Variants in ZNF346 observed in about 807,000 individuals in gnomAD.
The protein encoded by ZNF346 is zinc finger protein 346.
Under a neutral mutation model 33.7 loss-of-function variants are expected in ZNF346, and 23 were observed. The ratio of observed to expected loss-of-function variants is 0.68; its 90% CI spans 0.49 to 0.97. ZNF346 has a LOEUF of 0.97. ZNF346 is among the 50% of genes least tolerant of loss of function. ZNF346 has a pLI of 0.00. For missense variants in ZNF346, 340 were observed against 371.1 expected, an observed-to-expected ratio of 0.92 and a Z score of 0.69; for synonymous variants, 134 against 142.4, an observed-to-expected ratio of 0.94 and a Z score of 0.42.
At chr5:177,048,072 A>C (rs1482171471) in intron 4 of ZNF346, among the ~76,000 whole-genome samples, 3 of 152,068 alleles carry the variant, frequency 2.0e-5, no homozygotes, top group Non-Finnish European at 4.4e-5. Flanking sequence ...TGAACATTTA[A>C]TCTCCCCACC....
At chr5:177,061,624 CAGAT>C (rs995159288) in intron 5 of ZNF346, among the ~76,000 whole-genome samples, 1 of 152,188 alleles carries the variant, frequency 6.6e-6, no homozygotes. Flanking sequence ...GGTAGAAAGA[CAGAT>C]TGATTATCAT....
intron 1 of ZNF346, among the ~76,000 whole-genome samples, chr5:177,032,958 C>CT (rs1777930216): frequency 6.6e-6 from 1 of 152,220 alleles, no homozygotes; most frequent in Non-Finnish European, 1.5e-5. Context: ...GCTAAGTAGA[C>CT]TTAATAGGAC....
At chr5:177,046,166 TG>T (rs1316566791) in intron 4 of ZNF346, among the ~76,000 whole-genome samples, 4 of 151,980 alleles carry the variant, frequency 2.6e-5, no homozygotes, top group African/African-American at 9.7e-5. Context: ...CTGGGTGTGG[TG>T]GCACGAGCCT....
downstream of ZNF346, among the ~76,000 whole-genome samples, chr5:177,069,366 C>T (rs754030757): frequency 4.0e-5 from 6 of 151,142 alleles, no homozygotes; most frequent in South Asian, 2.1e-4. Context: ...GCAGGAGAAT[C>T]GCTTGAACCT....
intron 8 of ZNF346, among the ~76,000 whole-genome samples, chr5:177,076,491 A>G (rs1224055989): frequency 6.6e-6 from 1 of 152,148 alleles, no homozygotes; most frequent in Non-Finnish European, 1.5e-5. Context: ...ACCATCCCCC[A>G]GGTGATGGCT....
downstream of ZNF346, among the ~76,000 whole-genome samples, chr5:177,072,815 C>T (rs1236382944): frequency 2.7e-5 from 4 of 146,692 alleles, no homozygotes; most frequent in South Asian, 2.1e-4. Context: ...CACCACTGTA[C>T]TCCAGATAAG....
At chr5:177,070,550 G>A (rs933469383), downstream of ZNF346, among the ~76,000 whole-genome samples, 1 of 152,070 alleles carries the variant, frequency 6.6e-6, no homozygotes, top group Non-Finnish European at 1.5e-5. Context: ...AAGCTGCCTC[G>A]GGGTGGAACA....
chr5:177,026,071 A>G (rs146026166), intron 1 of ZNF346, among the ~76,000 whole-genome samples: 4,004 of 151,066 alleles, frequency 0.027, 82 homozygotes, highest in South Asian at 0.098. Flanking sequence ...GCTCACTGCA[A>G]CCTTCGTCTC....
Position 177,022,708 on chromosome 5 carries a change from G to A in ZNF346, c.-31G>A, listed in dbSNP as rs773842409. On this transcript the variant is annotated 5_prime_UTR_variant, in exon 1 of 7. Transcript: ENST00000358149. ...TCTCGCGATACCTAGGCGCCTGAGA[G>A]GCTCTCTACCGGTGAGGGTTTGCGG... The A allele has an allele frequency of 3.3e-6, 5 of 1,513,994 alleles. No homozygotes were observed. The highest frequency in any genetic ancestry group is 2.3e-5 in the Admixed American group (1 of 44,340). The allele number at this position is 1,513,994 out of a possible 1,614,324, so 93.8% of individuals were successfully genotyped here.
At chr5:177,079,952 G>A (rs780053249) in exon 9 of ZNF346, 1 of 152,390 alleles carries the variant, frequency 6.6e-6, no homozygotes, top group Non-Finnish European at 1.5e-5. Context: ...TAAGGGGACG[G>A]GGGGTGCTAC....
intron 3 of ZNF346, among the ~76,000 whole-genome samples, chr5:177,042,966 C>T (rs1042226237): frequency 4.6e-5 from 7 of 152,140 alleles, no homozygotes; most frequent in Non-Finnish European, 1.0e-4. Flanking sequence ...ATTCCCCTGC[C>T]TCAGCCTCTG....
At chr5:177,049,579 G>A (rs10476213) in intron 4 of ZNF346, among the ~76,000 whole-genome samples, 19,697 of 152,232 alleles carry the variant, frequency 0.13, 2,978 homozygotes, top group African/African-American at 0.37. Context: ...TCATTGGCCA[G>A]AATCAGGGAT....
At chr5:177,079,281 G>T (rs967556811) in intron 8 of ZNF346, 13 of 151,496 alleles carry the variant, frequency 8.6e-5, no homozygotes, top group African/African-American at 3.2e-4. Context: ...AAAAAAAGTC[G>T]TTTTGGGAAC....
intron 8 of ZNF346, among the ~76,000 whole-genome samples, chr5:177,073,207 T>C (rs1472626674): frequency 6.6e-6 from 1 of 152,266 alleles, no homozygotes; most frequent in African/African-American, 2.4e-5. Context: ...GCTTATGTTT[T>C]AATAACTGCT....
intron 1 of ZNF346, among the ~76,000 whole-genome samples, chr5:177,032,739 T>G (rs1777906530): frequency 6.6e-6 from 1 of 151,998 alleles, no homozygotes; most frequent in African/African-American, 2.4e-5. Context: ...TGGATAGAAA[T>G]TTGAGCTTCT....
chr5:177,036,764 G>T (rs1581827007), intron 1 of ZNF346, among the ~76,000 whole-genome samples: 1 of 152,056 alleles, frequency 6.6e-6, no homozygotes, highest in South Asian at 2.1e-4. Context: ...CCTTCCTTCT[G>T]TATGGAAGCT....
chr5:177,081,048 G>A (rs935753626), exon 9 of ZNF346: 1 of 151,742 alleles, frequency 6.6e-6, no homozygotes, highest in African/African-American at 2.4e-5. Flanking sequence ...TTCAAGACCA[G>A]CCTGGGCAAC....
intron 4 of ZNF346, among the ~76,000 whole-genome samples, chr5:177,047,957 T>C (rs1780318188): frequency 6.6e-6 from 1 of 152,186 alleles, no homozygotes; most frequent in South Asian, 2.1e-4. Flanking sequence ...GCCTTCTATA[T>C]GTTTTTTATT....
At chr5:177,042,511 G>A (rs1009480482) in intron 3 of ZNF346, among the ~76,000 whole-genome samples, 2 of 152,160 alleles carry the variant, frequency 1.3e-5, no homozygotes, top group African/African-American at 4.8e-5. Flanking sequence ...CCCCCATAAA[G>A]TAGAGATAAT....
Sources: allele counts gnomAD v4.1 joint callset (sites outside exome capture counted in the v4.1 genomes callset), GRCh38; gene constraint gnomAD v4.1.1; transcripts MANE v1.5; gene names NCBI Gene and HGNC (gene_info 2026-07-23, HGNC 2026-07-21).